The following ABCB1 variants were observed in gnomAD, a reference collection of about 807,000 sequenced individuals.
The protein encoded by ABCB1 is ATP binding cassette subfamily B member 1.
In ABCB1, 69 loss-of-function variants were observed where a neutral mutation model predicts 142.0. The ratio of observed to expected loss-of-function variants is 0.49; its 90% CI spans 0.40 to 0.59. ABCB1 has a LOEUF of 0.59. Ranked by LOEUF, ABCB1 falls within the 20% of genes least tolerant of loss-of-function variation. The pLI, the probability that ABCB1 is intolerant of heterozygous loss-of-function variation, is 0.00. For missense variants in ABCB1, 1,326 were observed against 1,554.7 expected, an observed-to-expected ratio of 0.85 and a Z score of 2.47; for synonymous variants, 532 against 539.2, an observed-to-expected ratio of 0.99 and a Z score of 0.18.
chr7:87,521,442 C>T, intron 21 of ABCB1: 3 of 696,072 alleles, frequency 4.3e-6, no homozygotes. Context: ...TCCTTAAAGT[C>T]TCTCTTTCCC....
intron 23 of ABCB1, among the ~76,000 whole-genome samples, chr7:87,517,881 G>C (rs549975110): frequency 6.6e-6 from 1 of 152,274 alleles, no homozygotes; most frequent in Admixed American, 6.5e-5. Flanking sequence ...TCTGTTTTAG[G>C]AAGTAGCATG....
chr7:87,615,512 C>T (rs560452790), intron 1 of ABCB1, among the ~76,000 whole-genome samples: 3 of 152,326 alleles, frequency 2.0e-5, no homozygotes, highest in South Asian at 4.1e-4. Context: ...AATCTCATCA[C>T]TCTGGCTACT....
chr7:87,591,769 T>C (rs1819009736), intron 3 of ABCB1, among the ~76,000 whole-genome samples: 1 of 151,958 alleles, frequency 6.6e-6, no homozygotes, highest in African/African-American at 2.4e-5. Flanking sequence ...TTATGCAGAA[T>C]GAAACTCAAA....
chr7:87,564,168 A>G (rs1817693512), intron 7 of ABCB1: 1 of 451,060 alleles, frequency 2.2e-6, no homozygotes, highest in South Asian at 1.6e-5. Context: ...CTTAAAATAA[A>G]AGTTTTAAAA....
intron 1 of ABCB1, among the ~76,000 whole-genome samples, chr7:87,695,219 G>C (rs542867802): frequency 6.6e-6 from 1 of 152,040 alleles, no homozygotes; most frequent in African/African-American, 2.4e-5. Context: ...GTTAGAAAAT[G>C]GATCAGTGTC....
chr7:87,602,667 T>A (rs1167752085), upstream of ABCB1, among the ~76,000 whole-genome samples: 1 of 152,198 alleles, frequency 6.6e-6, no homozygotes, highest in Non-Finnish European at 1.5e-5. Context: ...TCTACAATCT[T>A]GAGCATCAGG....
intron 1 of ABCB1, among the ~76,000 whole-genome samples, chr7:87,702,274 A>G (rs1037271315): frequency 6.0e-5 from 8 of 133,990 alleles, no homozygotes; most frequent in African/African-American, 2.2e-4. Context: ...GTTTTATTTT[A>G]TTTTATTTTA....
chr7:87,657,464 T>C (rs1824220529), intron 1 of ABCB1, among the ~76,000 whole-genome samples: 1 of 152,120 alleles, frequency 6.6e-6, no homozygotes, highest in Non-Finnish European at 1.5e-5. Flanking sequence ...AGCTTAGAAT[T>C]CCGCCCTCCT....
At chr7:87,595,633 A>T (rs532679655) in intron 3 of ABCB1, 133 bp downstream of exon 3, 45 of 720,506 alleles carry the variant, frequency 6.2e-5, no homozygotes, top group Non-Finnish European at 9.6e-5. Flanking sequence ...AAGCTAAATC[A>T]AACCAATTTA....
intron 1 of ABCB1, among the ~76,000 whole-genome samples, chr7:87,680,061 G>A (rs1008454084): frequency 6.7e-6 from 1 of 150,224 alleles, no homozygotes; most frequent in African/African-American, 2.5e-5. Flanking sequence ...AGTATATGAC[G>A]TTCCCCACCC....
intron 3 of ABCB1, among the ~76,000 whole-genome samples, chr7:87,586,502 G>A (rs1481114696): frequency 6.6e-6 from 1 of 152,188 alleles, no homozygotes; most frequent in Non-Finnish European, 1.5e-5. Flanking sequence ...AGCCAGCTGT[G>A]GGTGTCTATG....
rs1328523726 is a variant in ABCB1, at chr7:87,509,423, C to T, written c.3341G>A (p.Gly1114Asp). 1 of 1,614,194 alleles carries T rather than the reference C, an allele frequency of 6.2e-7. No individual in the cohort carries two copies. Among genetic ancestry groups the T allele is most frequent in the Non-Finnish European group, 8.5e-7 (1 of 1,180,038 alleles). The change falls in exon 26 of 28, where the codon GGC becomes GAC. Residue 1114 changes from glycine (G) to aspartate (D), a missense_variant. By Grantham distance (94) the Gly-to-Asp change is moderately conservative (BLOSUM62 -1). Coordinates refer to ENST00000622132, the MANE Select transcript of ABCB1 (RefSeq NM_001348946.2). Reference sequence around the variant, plus strand: ...CAGGATGGGCTCCTGGGACACGATGCCCAGGTGTGCTCGGAGCCACTGAAC... The same window carrying T: ...CAGGATGGGCTCCTGGGACACGATGTCCAGGTGTGCTCGGAGCCACTGAAC... ...LNVQWLRAHL[G>D]IVSQEPILFD...
intron 1 of ABCB1, among the ~76,000 whole-genome samples, chr7:87,629,605 T>C (rs1485167156): frequency 1.3e-5 from 2 of 152,126 alleles, no homozygotes; most frequent in Non-Finnish European, 2.9e-5. Context: ...TAGTATTTCC[T>C]TCAGAAAAAT....
intron 4 of ABCB1, among the ~76,000 whole-genome samples, chr7:87,577,570 ACATCCTCGCCAG>A (rs1409366594): frequency 6.6e-6 from 1 of 152,208 alleles, no homozygotes; most frequent in Non-Finnish European, 1.5e-5. Context: ...TCTTTTCTCC[ACATCCTCGCCAG>A]CATTTGTTAT....
chr7:87,645,534 G>A (rs762596489), intron 1 of ABCB1, among the ~76,000 whole-genome samples: 1 of 152,010 alleles, frequency 6.6e-6, no homozygotes, highest in Non-Finnish European at 1.5e-5. Context: ...TAATTTTTAT[G>A]TAAAAGCTGT....
intron 7 of ABCB1, chr7:87,565,425 T>A (rs376526526): frequency 2.2e-6 from 1 of 444,452 alleles, no homozygotes; most frequent in Non-Finnish European, 4.5e-6. Flanking sequence ...ACTGGAAACG[T>A]GTGCTGGGGT....
At chr7:87,635,646 A>G (rs905430966) in intron 1 of ABCB1, among the ~76,000 whole-genome samples, 3 of 152,158 alleles carry the variant, frequency 2.0e-5, no homozygotes, top group African/African-American at 7.2e-5. Context: ...CTTTCCATAT[A>G]GAAAAGTATA....
chr7:87,656,143 A>G (rs1432022792), intron 1 of ABCB1, among the ~76,000 whole-genome samples: 3 of 152,110 alleles, frequency 2.0e-5, no homozygotes, highest in African/African-American at 7.2e-5. Context: ...TGGACTAAGA[A>G]AGTGAGGTAA....
intron 1 of ABCB1, among the ~76,000 whole-genome samples, chr7:87,627,255 C>T (rs1820719256): frequency 6.6e-6 from 1 of 152,070 alleles, no homozygotes; most frequent in Non-Finnish European, 1.5e-5. Flanking sequence ...ACAGTATGCC[C>T]TGCATTAACA....
Sources: gnomAD v4.1 joint callset for allele counts (sites outside exome capture counted in the v4.1 genomes callset) on GRCh38, gnomAD v4.1.1 for gene constraint, MANE v1.5 for transcripts, NCBI Gene and HGNC (gene_info 2026-07-23, HGNC 2026-07-21) for gene names.